Variants in C4BPA observed in about 807,000 individuals in gnomAD.
The protein encoded by C4BPA is C4b-binding protein alpha chain.
C4BPA carries 31 observed loss-of-function variants against 63.7 expected under a neutral mutation model. The observed-to-expected ratio is 0.49, with a 90% CI of 0.37 to 0.66. The LOEUF is 0.66. Among genes scored for constraint, C4BPA ranks in the 30% least tolerant of loss-of-function variants. The pLI is 0.00. For synonymous variants in C4BPA, 259 were observed against 254.7 expected, an observed-to-expected ratio of 1.02 and a Z score of -0.16; for missense variants, 572 against 723.3, an observed-to-expected ratio of 0.79 and a Z score of 2.40.
At chr1:207,107,055 A>G (rs1684576043) in intron 1 of C4BPA, among the ~76,000 whole-genome samples, 1 of 152,252 alleles carries the variant, frequency 6.6e-6, no homozygotes, top group African/African-American at 2.4e-5. Flanking sequence ...GATACAAAAC[A>G]ATGCTACAAT....
intron 7 of C4BPA, among the ~76,000 whole-genome samples, chr1:207,130,758 T>C (rs1685142095): frequency 6.6e-6 from 1 of 152,030 alleles, no homozygotes; most frequent in African/African-American, 2.4e-5. Flanking sequence ...GGCAAATCCA[T>C]AAAGAAAAAA....
intron 1 of C4BPA, among the ~76,000 whole-genome samples, chr1:207,112,102 A>T (rs78832994): frequency 1.4e-5 from 2 of 148,132 alleles, no homozygotes; most frequent in Admixed American, 6.8e-5. Flanking sequence ...GATGAAGATT[A>T]AAAAAAAAAG....
At chr1:207,121,719 T>C (rs1354339062) in intron 4 of C4BPA, among the ~76,000 whole-genome samples, 1 of 152,240 alleles carries the variant, frequency 6.6e-6, no homozygotes, top group East Asian at 1.9e-4. Flanking sequence ...AATTTGTTTC[T>C]AGTGGTGACC....
intron 9 of C4BPA, 68 bp downstream of exon 9, chr1:207,134,660 G>C (rs929261591): frequency 3.4e-6 from 4 of 1,180,460 alleles, no homozygotes; most frequent in Non-Finnish European, 3.6e-6. Context: ...ATTATTAAGA[G>C]AAGGTTTAAA....
chr1:207,118,161 GTCTGTCTATCTA>G lies in C4BPA; in HGVS notation c.428+2650_428+2661del, dbSNP rs763869683. On this transcript the variant is annotated intron_variant, in intron 4 of 11. Coordinates refer to ENST00000367070, the MANE Select transcript of C4BPA (RefSeq NM_000715.4). The stretch of plus-strand genomic sequence containing the variant: ...TGTCTGTCTGTCTGTCTGTCTGTCT[GTCTGTCTATCTA>G]TCTATATCTATCTATCTATCATCTA... 6.3e-4 allele frequency among the ~76,000 whole-genome samples: 88 copies of G among 138,638 alleles called. 2 individuals are homozygous for G. The South Asian group carries it at 6.8e-3, about 11-fold the overall frequency. 91.0% of individuals were successfully genotyped at this position (138,638 alleles called of 152,430 possible). A position where few individuals can be genotyped will look rare whatever the true frequency, so the allele number is the denominator to read the frequency against.
In C4BPA at chr1:207,124,239, C is replaced by A; in HGVS notation, c.579C>A (p.Tyr193Ter). The A allele has an allele frequency of 6.2e-7, 1 of 1,613,912 alleles. No homozygotes were observed. Among genetic ancestry groups the A allele is most frequent in the Non-Finnish European group, 8.5e-7 (1 of 1,179,856 alleles). The change falls in exon 6 of 12, where the codon TAC becomes TAA. Residue 193 changes from tyrosine to a stop codon, truncating the protein, a stop_gained. Transcript: ENST00000367070. LOFTEE classifies it high-confidence loss of function. Reference sequence around the variant, plus strand: ...GGCACAGCGGTGAAGAAAATTTCTACGCATACGGCTTTTCTGTCACCTACA... The same window carrying A: ...GGCACAGCGGTGAAGAAAATTTCTAAGCATACGGCTTTTCTGTCACCTACA... The part of the protein sequence containing the change: ...NGRHSGEENF[Y>*]AYGFSVTYSC...
rs1329441077 is a variant in C4BPA, at chr1:207,126,746, G to C, written c.740G>C (p.Gly247Ala). ...ITCRKPDVSH[G>A]EMVSGFGPIY... ...TGTCGCAAGCCAGATGTTTCACATG[G>C]GGAAATGGTCTCTGGATTTGGACCC... Residue 247 changes from glycine (G) to alanine (A), a missense_variant, in exon 7 of 12, where the codon GGG becomes GCG. Physicochemically the swap from Gly to Ala is moderately conservative, Grantham distance 60. Coordinates refer to ENST00000367070, the MANE Select transcript of C4BPA (RefSeq NM_000715.4). 4 of 1,609,730 alleles carry C rather than the reference G, an allele frequency of 2.5e-6. No homozygotes were observed. The highest frequency in any genetic ancestry group is 3.4e-6 in the Non-Finnish European group (4 of 1,177,782).
At chr1:207,110,345 A>G (rs961887938) in intron 1 of C4BPA, among the ~76,000 whole-genome samples, 2 of 152,224 alleles carry the variant, frequency 1.3e-5, no homozygotes, top group Non-Finnish European at 2.9e-5. Flanking sequence ...GTTGTCCAGG[A>G]TAGCTGGAGC....
chr1:207,122,828 C>T (rs1684947517), intron 4 of C4BPA, among the ~76,000 whole-genome samples: 1 of 152,152 alleles, frequency 6.6e-6, no homozygotes, highest in South Asian at 2.1e-4. Flanking sequence ...CCTGCCTCAG[C>T]GTCCCAAAGT....
At chr1:207,106,457 T>TTTTTG (rs905722793) in intron 1 of C4BPA, among the ~76,000 whole-genome samples, 6 of 129,570 alleles carry the variant, frequency 4.6e-5, no homozygotes, top group African/African-American at 2.0e-4. Flanking sequence ...TTTTTTTTTT[T>TTTTTG]GAAACGGAGT....
At chr1:207,136,647 G>A (rs1685286266) in intron 9 of C4BPA, among the ~76,000 whole-genome samples, 1 of 152,184 alleles carries the variant, frequency 6.6e-6, no homozygotes, top group Non-Finnish European at 1.5e-5. Flanking sequence ...GGGCTGTAAT[G>A]CAGCTTCCAT....
chr1:207,106,253 T>C (rs1026619707), intron 1 of C4BPA, among the ~76,000 whole-genome samples: 3 of 152,162 alleles, frequency 2.0e-5, no homozygotes, highest in Non-Finnish European at 4.4e-5. Context: ...GGATGCATCC[T>C]GATGGTTTGT....
At position 207,114,140 on chromosome 1, in the gene C4BPA, G is replaced by A. The variant is rs763643517; in HGVS notation, c.183G>A (p.Pro61=). 61 of 1,613,328 alleles carry A rather than the reference G, an allele frequency of 3.8e-5. No homozygotes were observed. Among genetic ancestry groups the A allele is most frequent in the Non-Finnish European group, 4.6e-5 (54 of 1,179,664 alleles). The change falls in exon 3 of 12, where the codon CCG becomes CCA. Residue 61 remains proline (P), a synonymous_variant. Coordinates refer to ENST00000367070, the MANE Select transcript of C4BPA (RefSeq NM_000715.4). ...GPPPTLSFAA[P]MDITLTETRF... is the part of the protein sequence containing the mutation. ...CACCCACTTTATCATTTGCTGCCCCGATGGATATTACGTTGACTGAGACAC... is the reference window on the plus strand; with the variant it reads ...CACCCACTTTATCATTTGCTGCCCCAATGGATATTACGTTGACTGAGACAC...
intron 9 of C4BPA, among the ~76,000 whole-genome samples, chr1:207,138,377 A>G (rs1016529258): frequency 3.9e-5 from 6 of 152,206 alleles, no homozygotes; most frequent in African/African-American, 1.4e-4. Context: ...GACTTGGCTT[A>G]TGATGGGTGA....
At position 207,143,917 on chromosome 1, in the gene C4BPA, A is replaced by G; in HGVS notation, c.1544A>G (p.Tyr515Cys). Residue 515 changes from tyrosine (Y) to cysteine (C), a missense_variant, in exon 11 of 12, where the codon TAT (tyrosine) becomes TGT (cysteine). Tyr to Cys is a radical substitution (Grantham distance 194, BLOSUM62 -2). Coordinates refer to ENST00000367070, the MANE Select transcript of C4BPA (RefSeq NM_000715.4). ...ENVTIQCDSG[Y>C]GVVGPQSITC... ...GTCACCATCCAATGTGATTCTGGCT[A>G]TGGTGTGGTTGGTCCCCAAAGTATC... The G allele has an allele frequency of 6.2e-7, 1 of 1,612,984 alleles. No homozygotes were observed. The highest frequency in any genetic ancestry group is 8.5e-7 in the Non-Finnish European group (1 of 1,179,440).
At chr1:207,141,441 G>C (rs865815078) in intron 10 of C4BPA, among the ~76,000 whole-genome samples, 165 bp downstream of exon 10, 4 of 151,984 alleles carry the variant, frequency 2.6e-5, no homozygotes. Context: ...AACTACAAAG[G>C]GCACACACAA....
chr1:207,105,557 CAAA>C (rs544639312), intron 1 of C4BPA, among the ~76,000 whole-genome samples: 2 of 65,702 alleles, frequency 3.0e-5, no homozygotes, highest in Non-Finnish European at 3.3e-5. Context: ...AACTCCACCT[CAAA>C]AAAAAAAAAA....
chr1:207,143,129 TATACACC>T (rs1166564706), intron 10 of C4BPA, among the ~76,000 whole-genome samples: 1 of 152,186 alleles, frequency 6.6e-6, no homozygotes. Flanking sequence ...ATGTGGCACA[TATACACC>T]ATGGAATACT....
chr1:207,114,311 C>T lies in C4BPA; in HGVS notation c.328+26C>T, dbSNP rs746359674. ...GTAAGTATCAACATTTATTTTTTTC[C>T]TTTGCTTTTCCTATCTTTGGAAAGT... On this transcript the variant is annotated intron_variant, in intron 3 of 11. Transcript: ENST00000367070. The T allele has an allele frequency of 7.8e-6, 12 of 1,545,038 alleles. No individual in the cohort carries two copies. In the East Asian group the frequency reaches 2.8e-4, roughly 35 times the overall value.
Sources: gnomAD v4.1 joint callset for allele counts (sites outside exome capture counted in the v4.1 genomes callset) on GRCh38, gnomAD v4.1.1 for gene constraint, MANE v1.5 for transcripts, NCBI Gene and HGNC (gene_info 2026-07-23, HGNC 2026-07-21) for gene names.